TMEM67: variants seen among roughly 807,000 people sequenced by gnomAD.
The protein encoded by TMEM67 is transmembrane protein 67.
Under a neutral mutation model 136.6 loss-of-function variants are expected in TMEM67, and 124 were observed. That is an observed-to-expected ratio of 0.91 (90% CI 0.78 to 1.05). The LOEUF (loss-of-function observed/expected upper bound fraction) is 1.05, where lower values mean the gene tolerates loss of function less well. Among genes scored for constraint, TMEM67 ranks in the 50% least tolerant of loss-of-function variants. The probability of loss-of-function intolerance (pLI) is 0.00; values close to 1 mark genes in which losing one functional copy is unlikely to be tolerated. For synonymous variants in TMEM67, 364 were observed against 390.5 expected (o/e 0.93, Z 0.80); for missense variants, 1,107 against 1,178.4 (o/e 0.94, Z 0.89).
chr8:93,765,710 A>AGTTGGACATAATAAAAATACC, intron 6 of TMEM67, 64 bp downstream of exon 6: 1 of 1,064,892 alleles, frequency 9.4e-7, no homozygotes. Context: ...TCCATTAGTA[A>AGTTGGACATAATAAAAATACC]TTTCAGGCTA....
intron 14 of TMEM67, among the ~76,000 whole-genome samples, chr8:93,789,523 T>C (rs372611925): frequency 1.6e-3 from 244 of 151,844 alleles, no homozygotes; most frequent in African/African-American, 5.5e-3. Flanking sequence ...CGCTTGCCTG[T>C]AATCCCAGCT....
At chr8:93,818,836 C>CT (rs1352102103), downstream of TMEM67, among the ~76,000 whole-genome samples, 5 of 152,086 alleles carry the variant, frequency 3.3e-5, no homozygotes, top group Admixed American at 3.3e-4. Context: ...GGGTCTCACT[C>CT]TTATCACCCA....
Position 93,806,789 on chromosome 8 carries a change from G to T in TMEM67, c.2439+1911G>T, listed in dbSNP as rs530048750. Among the ~76,000 whole-genome samples, 12 of 152,068 alleles carry T rather than the reference G, an allele frequency of 7.9e-5. No individual in the cohort carries two copies. The South Asian group carries it at 1.5e-3, about 18-fold the overall frequency. ...CATGAAGCCATGAGAACCTAGAAAA[G>T]AATATTTCAGACTGGGAGATGATAT... On this transcript the variant is annotated intron_variant, in intron 23 of 27. Transcript: ENST00000453321.
At position 93,799,720 on chromosome 8, in the gene TMEM67, G is replaced by C; in HGVS notation, c.2203G>C (p.Val735Leu). 1 of 1,613,888 alleles carries C rather than the reference G, an allele frequency of 6.2e-7. No homozygotes were observed. Among genetic ancestry groups the C allele is most frequent in the Non-Finnish European group, 8.5e-7 (1 of 1,179,888 alleles). Residue 735 changes from valine to leucine, a missense_variant, in exon 21 of 28, where the codon GTG becomes CTG. By Grantham distance (32) the Val-to-Leu change is conservative (BLOSUM62 1). This residue lies in a region of TMEM67 where 925 missense variants were observed against 1,002.4 expected (regional missense o/e 0.92). Coordinates refer to ENST00000453321, the MANE Select transcript of TMEM67 (RefSeq NM_153704.6). Reference sequence around the variant, plus strand: ...TTATAGCTGCATTTTGAGATATGCAGTGTCTGCTGCTCTTTGGCTAGCCAT... The same window carrying C: ...TTATAGCTGCATTTTGAGATATGCACTGTCTGCTGCTCTTTGGCTAGCCAT... ...APYSCILRYA[V>L]SAALWLAIGI...
At chr8:93,779,483 T>C (rs944944016) in intron 7 of TMEM67, among the ~76,000 whole-genome samples, 1 of 152,190 alleles carries the variant, frequency 6.6e-6, no homozygotes, top group African/African-American at 2.4e-5. Context: ...TTTCTCCCCA[T>C]CTTTATGGTT....
downstream of TMEM67, among the ~76,000 whole-genome samples, chr8:93,824,008 T>A (rs1210553726): frequency 6.6e-6 from 1 of 152,204 alleles, no homozygotes; most frequent in Non-Finnish European, 1.5e-5. Flanking sequence ...TAATCCTGTT[T>A]GGGAAAGGTC....
chr8:93,759,270 T>C (rs986572756), intron 3 of TMEM67: 1 of 151,832 alleles, frequency 6.6e-6, no homozygotes, highest in Non-Finnish European at 1.5e-5. Flanking sequence ...GAGACCAGTC[T>C]GGGCAACATG....
chr8:93,780,830 A>G (rs748621053), intron 8 of TMEM67, 44 bp from the exon 9 acceptor site: 2 of 1,589,666 alleles, frequency 1.3e-6, no homozygotes, highest in Non-Finnish European at 8.6e-7. Context: ...TAATAATAAG[A>G]AATATTTATT....
the TMEM67 span, among the ~76,000 whole-genome samples, chr8:93,832,536 C>A: frequency 1.3e-5 from 2 of 152,154 alleles, no homozygotes; most frequent in Non-Finnish European, 2.9e-5. Context: ...TTTCTTCCAC[C>A]TTCCAGAATG....
intron 15 of TMEM67, 109 bp from the exon 16 acceptor site, chr8:93,793,089 A>G: frequency 9.9e-7 from 1 of 1,011,376 alleles, no homozygotes; most frequent in Non-Finnish European, 1.5e-6. Context: ...TGTCCTTTCA[A>G]CATTTCCCAC....
At chr8:93,811,337 A>G (rs62525193) in intron 26 of TMEM67, 4 of 152,138 alleles carry the variant, frequency 2.6e-5, no homozygotes, top group African/African-American at 9.7e-5. Context: ...AAAGACATTC[A>G]TGCAGACAGG....
At chr8:93,772,521 T>C in intron 6 of TMEM67, 68 bp from the exon 7 acceptor site, 2 of 1,107,768 alleles carry the variant, frequency 1.8e-6, no homozygotes, top group South Asian at 2.6e-5. Flanking sequence ...GTGAGACATT[T>C]CCCATTCAAC....
chr8:93,772,510 T>C (rs1472849854), intron 6 of TMEM67, 79 bp from the exon 7 acceptor site: 1 of 1,004,220 alleles, frequency 1.0e-6, no homozygotes, highest in African/African-American at 1.6e-5. Flanking sequence ...GTGAAAGTAA[T>C]GTGAGACATT....
At chr8:93,822,136 A>C (rs1326470701), downstream of TMEM67, among the ~76,000 whole-genome samples, 2 of 152,206 alleles carry the variant, frequency 1.3e-5, no homozygotes, top group Admixed American at 6.5e-5. Flanking sequence ...TAAAGAACTC[A>C]TCACATCAAT....
the TMEM67 span, among the ~76,000 whole-genome samples, chr8:93,829,523 C>T: frequency 6.6e-6 from 1 of 152,196 alleles, no homozygotes; most frequent in Non-Finnish European, 1.5e-5. Flanking sequence ...ATGGCCATAT[C>T]CCTCAAATGC....
At chr8:93,761,734 TATTC>T (rs1403894786) in intron 3 of TMEM67, among the ~76,000 whole-genome samples, 3 of 152,348 alleles carry the variant, frequency 2.0e-5, no homozygotes, top group Non-Finnish European at 4.4e-5. Context: ...TGGAATAATT[TATTC>T]ATTCATCTAC....
chr8:93,785,444 A>G (rs1814051805), intron 12 of TMEM67, 66 bp downstream of exon 12: 1 of 1,455,834 alleles, frequency 6.9e-7, no homozygotes, highest in South Asian at 1.1e-5. Context: ...AACCTACATG[A>G]TAATTTAATA....
At chr8:93,795,531 C>A (rs750479974) in intron 17 of TMEM67, 24 bp downstream of exon 17, 1 of 1,543,700 alleles carries the variant, frequency 6.5e-7, no homozygotes, top group South Asian at 1.1e-5. Flanking sequence ...TGAATTTTCC[C>A]CAACTGCCAA....
chr8:93,825,515 G>A, the TMEM67 span, among the ~76,000 whole-genome samples: 1 of 152,164 alleles, frequency 6.6e-6, no homozygotes. Flanking sequence ...TTGGGAGGAT[G>A]GTGATCAGGA....
Sources: allele counts gnomAD v4.1 joint callset (sites outside exome capture counted in the v4.1 genomes callset), GRCh38; gene constraint gnomAD v4.1.1; regional missense constraint gnomAD v4.1.1; transcripts MANE v1.5; gene names NCBI Gene and HGNC (gene_info 2026-07-23, HGNC 2026-07-21).